DCC: variants seen among roughly 807,000 people sequenced by gnomAD.
DCC encodes the protein DCC netrin 1 receptor.
Under a neutral mutation model 172.5 loss-of-function variants are expected in DCC, and 58 were observed. The observed-to-expected ratio is 0.34, with a 90% CI of 0.27 to 0.42. DCC has a LOEUF of 0.42. DCC is among the 10% of genes least tolerant of loss of function. The pLI is 1.00. For synonymous variants in DCC, 709 were observed against 644.5 expected (o/e 1.10, Z -1.52); for missense variants, 1,740 against 1,791.0 (o/e 0.97, Z 0.51).
chr18:53,495,494 T>C (rs1330249589), intron 26 of DCC, among the ~76,000 whole-genome samples: 3 of 152,126 alleles, frequency 2.0e-5, no homozygotes, highest in Non-Finnish European at 2.9e-5. Flanking sequence ...CCGCTGATAG[T>C]CTGATGGGCT....
intron 2 of DCC, among the ~76,000 whole-genome samples, chr18:52,844,333 CAGACAGAT>C (rs2038852191): frequency 6.6e-6 from 1 of 151,906 alleles, no homozygotes; most frequent in Non-Finnish European, 1.5e-5. Context: ...GACAGACAGA[CAGACAGAT>C]AGATAGATAT....
At chr18:53,190,291 C>T (rs1041980805) in intron 9 of DCC, among the ~76,000 whole-genome samples, 2 of 152,142 alleles carry the variant, frequency 1.3e-5, no homozygotes, top group Non-Finnish European at 2.9e-5. Flanking sequence ...TAAAATCTTT[C>T]AACTTCAGAA....
At chr18:53,340,670 A>T (rs1321113495) in intron 15 of DCC, among the ~76,000 whole-genome samples, 2 of 152,202 alleles carry the variant, frequency 1.3e-5, no homozygotes, top group Non-Finnish European at 2.9e-5. Context: ...GTGCTGTAGG[A>T]GTTTGTATTA....
intron 7 of DCC, among the ~76,000 whole-genome samples, chr18:53,091,889 G>C (rs1307703557): frequency 6.7e-6 from 1 of 150,300 alleles, no homozygotes; most frequent in African/African-American, 2.5e-5. Flanking sequence ...ACATAAATAT[G>C]TCTTTAAATT....
chr18:53,082,875 C>A (rs1477665193), intron 7 of DCC, among the ~76,000 whole-genome samples: 1 of 152,028 alleles, frequency 6.6e-6, no homozygotes, highest in Non-Finnish European at 1.5e-5. Context: ...TCTACCTCCA[C>A]TCCCTCATTC....
intron 1 of DCC, among the ~76,000 whole-genome samples, chr18:52,629,649 T>C (rs1461003236): frequency 6.6e-6 from 1 of 152,042 alleles, no homozygotes; most frequent in African/African-American, 2.4e-5. Flanking sequence ...ACCCTGTCTC[T>C]AATAAAAATA....
chr18:53,154,411 A>G (rs1460891796), intron 7 of DCC, among the ~76,000 whole-genome samples: 3 of 152,202 alleles, frequency 2.0e-5, no homozygotes, highest in Non-Finnish European at 2.9e-5. Context: ...GGTCAGCAGG[A>G]GTCAGGCCAG....
intron 6 of DCC, 33 bp downstream of exon 6, chr18:53,063,492 C>T (rs1472434859): frequency 3.3e-6 from 5 of 1,494,186 alleles, no homozygotes. Flanking sequence ...GTTTTATAAT[C>T]CCATTCATTG....
intron 1 of DCC, among the ~76,000 whole-genome samples, chr18:52,341,377 A>T (rs1405693339): frequency 6.6e-6 from 1 of 152,114 alleles, no homozygotes; most frequent in African/African-American, 2.4e-5. Flanking sequence ...GGACTTGGTG[A>T]TTGAGAATAG....
intron 3 of DCC, among the ~76,000 whole-genome samples, chr18:52,910,532 T>C (rs2039957345): frequency 6.6e-6 from 1 of 152,128 alleles, no homozygotes; most frequent in South Asian, 2.1e-4. Context: ...CACTAAGAGT[T>C]GAGATGTTTT....
intron 7 of DCC, among the ~76,000 whole-genome samples, chr18:53,154,901 A>G (rs527663480): frequency 4.6e-5 from 7 of 152,266 alleles, no homozygotes; most frequent in Admixed American, 3.9e-4. Flanking sequence ...AATATCACTC[A>G]TATTTTTGAG....
In DCC at chr18:52,820,094, A is replaced by ACTT. The variant is rs770071568; in HGVS notation, c.412+67721_412+67722insTTC. The stretch of plus-strand genomic sequence containing the variant: ...GTTGGGTAAATAATTTCCTGTGGAC[A>ACTT]CATTTGGTTTCATTCACCCCACTTG... On this transcript the variant is annotated intron_variant, in intron 2 of 28. Transcript: ENST00000442544. Among the ~76,000 whole-genome samples, 7 of 152,156 alleles carry ACTT rather than the reference A, an allele frequency of 4.6e-5. No homozygotes were observed. The East Asian group carries it at 5.8e-4, about 13-fold the overall frequency.
intron 27 of DCC, among the ~76,000 whole-genome samples, chr18:53,503,001 T>C (rs2046123438): frequency 6.6e-6 from 1 of 152,256 alleles, no homozygotes; most frequent in East Asian, 1.9e-4. Flanking sequence ...CCTGATGCTC[T>C]TCCTCCCTTC....
At chr18:52,629,766 C>A (rs1276910281) in intron 1 of DCC, among the ~76,000 whole-genome samples, 5 of 151,890 alleles carry the variant, frequency 3.3e-5, no homozygotes, top group Non-Finnish European at 7.4e-5. Context: ...CTGACTAACA[C>A]AGTGAAACCC....
chr18:52,746,927 AG>A (rs2036914357), intron 1 of DCC, among the ~76,000 whole-genome samples: 1 of 149,766 alleles, frequency 6.7e-6, no homozygotes, highest in Non-Finnish European at 1.5e-5. Flanking sequence ...AAAAAAAAGG[AG>A]GAGAAGAAAG....
At chr18:53,011,313 A>T (rs1239464693) in intron 5 of DCC, among the ~76,000 whole-genome samples, 1 of 151,708 alleles carries the variant, frequency 6.6e-6, no homozygotes, top group African/African-American at 2.4e-5. Flanking sequence ...GCTTCATTGA[A>T]TATTTTATAA....
chr18:52,962,155 A>G (rs2040852658), intron 5 of DCC, among the ~76,000 whole-genome samples: 1 of 150,760 alleles, frequency 6.6e-6, no homozygotes, highest in Non-Finnish European at 1.5e-5. Flanking sequence ...AGAAACTACC[A>G]TCAGAGTGAA....
At chr18:53,046,203 A>T (rs2042235557) in intron 5 of DCC, among the ~76,000 whole-genome samples, 1 of 151,938 alleles carries the variant, frequency 6.6e-6, no homozygotes, top group East Asian at 1.9e-4. Flanking sequence ...GTAAGTGTTG[A>T]TTTGAAAGAA....
chr18:53,087,546 G>T (rs532977275), intron 7 of DCC, among the ~76,000 whole-genome samples: 1 of 152,002 alleles, frequency 6.6e-6, no homozygotes, highest in Non-Finnish European at 1.5e-5. Flanking sequence ...CTCCCATTTT[G>T]TAGGTTGCCT....
Sources: allele counts gnomAD v4.1 joint callset (sites outside exome capture counted in the v4.1 genomes callset), GRCh38; gene constraint gnomAD v4.1.1; transcripts MANE v1.5; gene names NCBI Gene and HGNC (gene_info 2026-07-23, HGNC 2026-07-21).